The following ALG12 variants were observed in gnomAD, a reference collection of about 807,000 sequenced individuals.
ALG12 encodes the protein ALG12 alpha-1,6-mannosyltransferase.
In ALG12, 36 loss-of-function variants were observed where a neutral mutation model predicts 46.0. The ratio of observed to expected loss-of-function variants is 0.78; its 90% CI spans 0.60 to 1.03. The LOEUF is 1.03. Ranked by LOEUF, ALG12 falls within the 50% of genes least tolerant of loss-of-function variation. ALG12 has a pLI of 0.00. For synonymous variants in ALG12, 326 were observed against 291.6 expected (o/e 1.12, Z -1.20); for missense variants, 599 against 633.5 (o/e 0.95, Z 0.58).
downstream of ALG12, among the ~76,000 whole-genome samples, chr22:49,899,344 G>T (rs2060495056): frequency 6.6e-6 from 1 of 152,046 alleles, no homozygotes; most frequent in Non-Finnish European, 1.5e-5. Context: ...CGGGCATGGT[G>T]GTGTGCACCT....
chr22:49,905,890 A>G lies in ALG12; in HGVS notation c.993-1384T>C, dbSNP rs1445845495. On this transcript the variant is annotated intron_variant, in intron 7 of 9. Transcript: ENST00000330817. The surrounding 1 kb of genome is among the most constrained non-coding windows in gnomAD (Gnocchi z 4.9). ...CTGCCCCAAAGAGCTCAGCACTGCC[A>G]GGGCGTTCGTCCTTTGTTCCCGCCC... is the stretch of plus-strand genomic sequence containing the variant. Among the ~76,000 whole-genome samples the G allele has an allele frequency of 6.6e-6, 1 of 152,186 alleles. No individual in the cohort carries two copies. Among genetic ancestry groups the G allele is most frequent in the Non-Finnish European group, 1.5e-5 (1 of 68,016 alleles).
At position 49,903,932 on chromosome 22, in the gene ALG12, G is replaced by A. The variant is rs780340820; in HGVS notation, c.1373C>T (p.Thr458Ile). 22 of 1,614,088 alleles carry A rather than the reference G, an allele frequency of 1.4e-5. No homozygotes were observed. Among genetic ancestry groups the A allele is most frequent in the Non-Finnish European group, 1.9e-5 (22 of 1,180,028 alleles). The change falls in exon 10 of 10, where the codon ACA becomes ATA. Residue 458 changes from threonine to isoleucine, a missense_variant. Coordinates refer to ENST00000330817, the MANE Select transcript of ALG12 (RefSeq NM_024105.4). ...HRVLASVVGTTGVSLNLTQLP... is the reference protein window; with the variant it reads ...HRVLASVVGTIGVSLNLTQLP... ...TTGGGTCAGGTTCAGACTCACACCT[G>A]TGGTCCCCACGACGCTGGCCAGGAC... is the stretch of plus-strand genomic sequence containing the variant.
chr22:49,872,175 CTGT>C, the ALG12 span, among the ~76,000 whole-genome samples: 1 of 152,240 alleles, frequency 6.6e-6, no homozygotes, highest in Non-Finnish European at 1.5e-5. Flanking sequence ...TCAAACCCTG[CTGT>C]TGTTTTATCA....
rs1264908534 is a variant in ALG12 at position 49,906,951 on chromosome 22, T to C, written c.992+770A>G. ...CAGCCGCGCTCAGACCACCCCACCC[T>C]CAGCCCAGGCAGTGCCCTCCCCAGG... On this transcript the variant is annotated intron_variant, in intron 7 of 9. Coordinates refer to ENST00000330817, the MANE Select transcript of ALG12 (RefSeq NM_024105.4). The surrounding 1 kb of genome is among the most constrained non-coding windows in gnomAD (Gnocchi z 4.4). 6.6e-6 allele frequency among the ~76,000 whole-genome samples: 1 copy of C among 151,818 alleles called. No homozygotes were observed. The highest frequency in any genetic ancestry group is 6.6e-5 in the Admixed American group (1 of 15,238).
Position 49,902,447 on chromosome 22 carries a change from C to CTGTGTGG in ALG12, c.*1390_*1391insCCACACA, listed in dbSNP as rs1310566138. On this transcript the variant is annotated 3_prime_UTR_variant, in exon 10 of 10. Transcript: ENST00000330817. Reference sequence around the variant, plus strand: ...TATGCATGGTGTGTGCACGTGTGCACTGTGTATGCATGGTGTGTGCACGTG... The same window carrying CTGTGTGG: ...TATGCATGGTGTGTGCACGTGTGCACTGTGTGGTGTGTATGCATGGTGTGTGCACGTG... 9.0e-6 allele frequency: 1 copy of CTGTGTGG among 111,608 alleles called. No homozygotes were observed. The highest frequency in any genetic ancestry group is 1.7e-5 in the Non-Finnish European group (1 of 57,746). The allele number at this position is 111,608 out of a possible 1,614,324, so 6.9% of individuals were successfully genotyped here. A position where few individuals can be genotyped will look rare whatever the true frequency, so the allele number is the denominator to read the frequency against.
chr22:49,887,601 A>T, the ALG12 span: 1 of 174,470 alleles, frequency 5.7e-6, no homozygotes, highest in African/African-American at 2.4e-5. Context: ...GCAACAGAAT[A>T]GCTTTTGTGG....
chr22:49,908,324 T>G (rs2060555316), intron 6 of ALG12, among the ~76,000 whole-genome samples: 1 of 127,732 alleles, frequency 7.8e-6, no homozygotes, highest in Non-Finnish European at 1.9e-5. Flanking sequence ...GGTAAAGAGA[T>G]CGAGACCATC....
In ALG12 at chr22:49,903,009, T is replaced by C; in HGVS notation, c.*829A>G. ...TGTGTGGTGTGTGTGCATGTATGCA[T>C]GGTGTGTGCATACGTGTGCAGCAGC... is the stretch of plus-strand genomic sequence containing the variant. On this transcript the variant is annotated 3_prime_UTR_variant, in exon 10 of 10. Coordinates refer to ENST00000330817, the MANE Select transcript of ALG12 (RefSeq NM_024105.4). 1 of 338,750 alleles carries C rather than the reference T, an allele frequency of 3.0e-6. No individual in the cohort carries two copies. Among genetic ancestry groups the C allele is most frequent in the African/African-American group, 2.2e-5 (1 of 46,064 alleles). The allele number at this position is 338,750 out of a possible 1,614,324, so 21.0% of individuals were successfully genotyped here. A position where few individuals can be genotyped will look rare whatever the true frequency, so the allele number is the denominator to read the frequency against.
Position 49,904,388 on chromosome 22 carries a change from GGTA to G in ALG12, c.1108_1110del (p.Tyr370del). The stretch of plus-strand genomic sequence containing the variant: ...AGCCTCTGCATTGCGACGCCACCTG[GGTA>G]GTTGAAATGGGACACATACAGGGCC... On this transcript the variant is annotated inframe_deletion, in exon 8 of 10. Transcript: ENST00000330817. 1 of 1,614,194 alleles carries G rather than the reference GGTA, an allele frequency of 6.2e-7. No homozygotes were observed. The highest frequency in any genetic ancestry group is 1.1e-5 in the South Asian group (1 of 91,088).
the ALG12 span, among the ~76,000 whole-genome samples, chr22:49,878,896 A>G: frequency 1.3e-5 from 2 of 151,824 alleles, no homozygotes; most frequent in Non-Finnish European, 1.5e-5. Context: ...TGTAACCCCA[A>G]CACTTTGGGA....
intron 1 of ALG12, among the ~76,000 whole-genome samples, chr22:49,915,489 A>G (rs539123498): frequency 6.6e-6 from 1 of 151,982 alleles, no homozygotes; most frequent in South Asian, 2.1e-4. Flanking sequence ...CCCAGGAGGC[A>G]GAGGCCGCAG....
chr22:49,886,308 T>A, the ALG12 span: 1 of 1,559,860 alleles, frequency 6.4e-7, no homozygotes. This position sits in a 1 kb window ranked among gnomAD's most constrained non-coding sequence, Gnocchi z 7.7. Context: ...TGCCTCAGCA[T>A]CACCTCATCC....
At chr22:49,884,530 G>A in the ALG12 span, 1 of 1,614,134 alleles carries the variant, frequency 6.2e-7, no homozygotes, top group Non-Finnish European at 8.5e-7. Flanking sequence ...AAGGTCCGCT[G>A]TCTGGAAGCA....
chr22:49,885,892 C>A, the ALG12 span: 1 of 1,128,144 alleles, frequency 8.9e-7, no homozygotes, highest in Non-Finnish European at 1.3e-6. Context: ...CCGTGAGTAC[C>A]TGACCCTCAC....
At chr22:49,877,854 C>T in the ALG12 span, among the ~76,000 whole-genome samples, 16 of 152,126 alleles carry the variant, frequency 1.1e-4, no homozygotes, top group Admixed American at 3.3e-4. Flanking sequence ...TTTGGCCTCC[C>T]GCACTCTGCA....
At chr22:49,896,693 T>C (rs1328242388), downstream of ALG12, among the ~76,000 whole-genome samples, 2 of 152,236 alleles carry the variant, frequency 1.3e-5, no homozygotes, top group East Asian at 1.9e-4. Flanking sequence ...TGGAGTACAA[T>C]GGCGTGATCT....
At chr22:49,892,805 A>G in the ALG12 span, among the ~76,000 whole-genome samples, 3 of 152,242 alleles carry the variant, frequency 2.0e-5, no homozygotes, top group Admixed American at 6.5e-5. Context: ...CAGAGCTCCT[A>G]TAACTTTACA....
chr22:49,898,775 A>G (rs1308851612), downstream of ALG12, among the ~76,000 whole-genome samples: 5 of 152,122 alleles, frequency 3.3e-5, no homozygotes, highest in South Asian at 8.3e-4. Context: ...CTTAAGAGAT[A>G]GGGGTCTCTC....
chr22:49,869,072 G>A, the ALG12 span, among the ~76,000 whole-genome samples: 3 of 149,264 alleles, frequency 2.0e-5, no homozygotes, highest in African/African-American at 5.0e-5. Flanking sequence ...TGGGTGAGTC[G>A]AGATCATGCC....
Sources: gnomAD v4.1 joint callset for allele counts (sites outside exome capture counted in the v4.1 genomes callset) on GRCh38, gnomAD v4.1.1 for gene constraint, Gnocchi (gnomAD v3.1) non-coding constraint, MANE v1.5 for transcripts, NCBI Gene and HGNC (gene_info 2026-07-23, HGNC 2026-07-21) for gene names.